SMAD3: variants seen among roughly 807,000 people sequenced by gnomAD.
SMAD3 encodes SMAD family member 3.
Under a neutral mutation model 51.8 loss-of-function variants are expected in SMAD3, and 12 were observed. That is an observed-to-expected ratio of 0.23 (90% CI 0.15 to 0.38). The LOEUF is 0.38. Ranked by LOEUF, SMAD3 falls within the 10% of genes least tolerant of loss-of-function variation. The pLI, the probability that SMAD3 is intolerant of heterozygous loss-of-function variation, is 1.00. For synonymous variants in SMAD3, 238 were observed against 227.7 expected, an observed-to-expected ratio of 1.05 and a Z score of -0.41; for missense variants, 294 against 565.6, an observed-to-expected ratio of 0.52 and a Z score of 4.87.
chr15:67,097,961 T>C (rs1202549947), intron 1 of SMAD3, among the ~76,000 whole-genome samples: 1 of 152,186 alleles, frequency 6.6e-6, no homozygotes, highest in Non-Finnish European at 1.5e-5. Flanking sequence ...TCTTCAAGGA[T>C]CCTGGTCCTC....
At chr15:67,086,807 G>A (rs936788382) in intron 1 of SMAD3, among the ~76,000 whole-genome samples, 1 of 152,056 alleles carries the variant, frequency 6.6e-6, no homozygotes, top group African/African-American at 2.4e-5. Context: ...CATGGAGAGT[G>A]GAATGGGACA....
At chr15:67,118,577 A>G (rs1360467050) in intron 1 of SMAD3, among the ~76,000 whole-genome samples, 1 of 152,194 alleles carries the variant, frequency 6.6e-6, no homozygotes, top group Admixed American at 6.5e-5. Flanking sequence ...AGGCGCTGGA[A>G]GGAGCTCTGC....
intron 5 of SMAD3, among the ~76,000 whole-genome samples, chr15:67,176,471 A>AG (rs1275327089): frequency 6.6e-6 from 1 of 152,238 alleles, no homozygotes; most frequent in Non-Finnish European, 1.5e-5. Context: ...TTGCAGCAGC[A>AG]GTGCTCCTGG....
At chr15:67,186,354 C>A (rs1432425968) in intron 7 of SMAD3, among the ~76,000 whole-genome samples, 1 of 152,222 alleles carries the variant, frequency 6.6e-6, no homozygotes, top group Admixed American at 6.5e-5. Context: ...GGCCCCACCC[C>A]CATCTTTTGG....
At chr15:67,113,076 G>GTGTGTATATA (rs763595789) in intron 1 of SMAD3, among the ~76,000 whole-genome samples, 1,336 of 34,970 alleles carry the variant, frequency 0.038, 240 homozygotes, top group Non-Finnish European at 0.06. Context: ...ATATATATGT[G>GTGTGTATATA]TATATATATA....
chr15:67,132,787 T>C (rs1198414697), intron 1 of SMAD3, among the ~76,000 whole-genome samples: 4 of 152,166 alleles, frequency 2.6e-5, no homozygotes, highest in Non-Finnish European at 5.9e-5. Flanking sequence ...ACAGGCTTTT[T>C]ATCATTAGCA....
At chr15:67,128,878 TA>T (rs1021946282) in intron 1 of SMAD3, among the ~76,000 whole-genome samples, 1 of 152,232 alleles carries the variant, frequency 6.6e-6, no homozygotes, top group African/African-American at 2.4e-5. Context: ...CTCAGCCTTC[TA>T]AAAGTATTTT....
At chr15:67,170,127 G>A (rs995294153) in intron 4 of SMAD3, among the ~76,000 whole-genome samples, 16 of 152,186 alleles carry the variant, frequency 1.1e-4, no homozygotes, top group African/African-American at 3.9e-4. Context: ...CTGGCCTCCT[G>A]CTTCCTGGGT....
chr15:67,184,981 T>G (rs1819011641), intron 7 of SMAD3, 117 bp downstream of exon 7: 1 of 1,337,254 alleles, frequency 7.5e-7, no homozygotes, highest in East Asian at 2.3e-5. Context: ...GCGTTGTCAA[T>G]CTGGAGGTGA....
intron 1 of SMAD3, among the ~76,000 whole-genome samples, chr15:67,150,030 GCTT>G (rs1457625831): frequency 1.3e-5 from 2 of 152,162 alleles, no homozygotes; most frequent in African/African-American, 4.8e-5. Flanking sequence ...AGGCTTTGGG[GCTT>G]CTTTTAAAAA....
rs550821984 is a variant in SMAD3 at position 67,068,003 on chromosome 15, G to A, written c.206+1643G>A. 4.4e-4 allele frequency among the ~76,000 whole-genome samples: 67 copies of A among 152,204 alleles called. No individual in the cohort carries two copies. The South Asian group carries it at 5.4e-3, about 12-fold the overall frequency. ...GGTGCATTGAAGACAAGTGCTTTAT[G>A]TATTGAAACAGAAGAAAAAAAGTGG... On this transcript the variant is annotated intron_variant, in intron 1 of 8. Transcript: ENST00000327367.
rs562789102 is a variant in SMAD3 at position 67,190,303 on chromosome 15, G to T, written c.1155-110G>T. 3 of 1,035,322 alleles carry T rather than the reference G, an allele frequency of 2.9e-6. No homozygotes were observed. In the African/African-American group the frequency reaches 4.7e-5, roughly 16 times the overall value. 64.1% of individuals were successfully genotyped at this position (1,035,322 alleles called of 1,614,324 possible). A position where few individuals can be genotyped will look rare whatever the true frequency, so the allele number is the denominator to read the frequency against. On this transcript the variant is annotated intron_variant, in intron 8 of 8. Transcript: ENST00000327367. Reference sequence around the variant, plus strand: ...ACCGCTTCTAGGACAGCGTCTAACAGCATCTTTGGGAAGATGACTGTCACC... The same window carrying T: ...ACCGCTTCTAGGACAGCGTCTAACATCATCTTTGGGAAGATGACTGTCACC...
intron 1 of SMAD3, chr15:67,138,143 C>T: frequency 7.0e-7 from 1 of 1,432,342 alleles, no homozygotes; most frequent in Non-Finnish European, 9.6e-7. Flanking sequence ...CTTTCTTGAA[C>T]TCGTCTCCCC....
At chr15:67,075,311 G>A (rs1960144764) in intron 1 of SMAD3, among the ~76,000 whole-genome samples, 2 of 152,180 alleles carry the variant, frequency 1.3e-5, no homozygotes, top group African/African-American at 4.8e-5. Context: ...GACTCAAGGT[G>A]GGTCTAATTT....
chr15:67,106,590 C>T (rs915561075), intron 1 of SMAD3, among the ~76,000 whole-genome samples: 7 of 152,152 alleles, frequency 4.6e-5, no homozygotes, highest in African/African-American at 1.4e-4. Flanking sequence ...CTCTTGAGGT[C>T]AGGGGCCATT....
At chr15:67,113,811 C>T (rs1161369492) in intron 1 of SMAD3, among the ~76,000 whole-genome samples, 3 of 152,214 alleles carry the variant, frequency 2.0e-5, no homozygotes, top group Non-Finnish European at 4.4e-5. Context: ...AGTTCTTTCC[C>T]TTTAGACGAA....
At chr15:67,141,654 T>C (rs1248621010) in intron 1 of SMAD3, among the ~76,000 whole-genome samples, 1 of 152,178 alleles carries the variant, frequency 6.6e-6, no homozygotes, top group African/African-American at 2.4e-5. Flanking sequence ...TTCAGCTCCA[T>C]ACATGGCAGA....
At chr15:67,083,492 GC>G (rs1960320794) in intron 1 of SMAD3, among the ~76,000 whole-genome samples, 1 of 152,328 alleles carries the variant, frequency 6.6e-6, no homozygotes, top group Non-Finnish European at 1.5e-5. Context: ...TCATCTTTTG[GC>G]CACTGTGTTT....
chr15:67,113,076 G>GTGTGTATATATA lies in SMAD3; in HGVS notation c.206+46717_206+46718insGTGTATATATAT, dbSNP rs763595789. ...CAACTTTTAAAATATATATATATGT[G>GTGTGTATATATA]TATATATATATATATATATTTTTTT... On this transcript the variant is annotated intron_variant, in intron 1 of 8. Transcript: ENST00000327367. 8.0e-4 allele frequency among the ~76,000 whole-genome samples: 28 copies of GTGTGTATATATA among 34,964 alleles called. 6 individuals carry two copies. The highest frequency in any genetic ancestry group is 1.3e-3 in the Non-Finnish European group (23 of 17,378). The allele number at this position is 34,964 out of a possible 152,430, so 22.9% of individuals were successfully genotyped here. A position where few individuals can be genotyped will look rare whatever the true frequency, so the allele number is the denominator to read the frequency against.
Sources: gnomAD v4.1 joint callset for allele counts (sites outside exome capture counted in the v4.1 genomes callset) on GRCh38, gnomAD v4.1.1 for gene constraint, MANE v1.5 for transcripts, NCBI Gene and HGNC (gene_info 2026-07-23, HGNC 2026-07-21) for gene names.